The following RTL4 variants were observed in gnomAD, a reference collection of about 807,000 sequenced individuals.
RTL4 encodes retrotransposon Gag-like protein 4.
A neutral mutation model predicts 5.3 loss-of-function variants in RTL4; 4 were observed. That is an observed-to-expected ratio of 0.75 (90% CI 0.37 to 1.72). The LOEUF (loss-of-function observed/expected upper bound fraction) is 1.72, where lower values mean the gene tolerates loss of function less well. RTL4 is among the 40% of genes most tolerant of loss of function. RTL4 has a pLI of 0.04. For synonymous variants in RTL4, 98 were observed against 87.3 expected, an observed-to-expected ratio of 1.12 and a Z score of -0.68; for missense variants, 260 against 227.1, an observed-to-expected ratio of 1.14 and a Z score of -0.93.
At chrX:112,172,104 C>A in the RTL4 span, among the ~76,000 whole-genome samples, 3 of 112,263 alleles carry the variant, frequency 2.7e-5, no homozygotes, top group Non-Finnish European at 5.6e-5. Flanking sequence ...GAGGCCGAGG[C>A]AGATCACTTG....
chrX:112,198,220 C>G, the RTL4 span, among the ~76,000 whole-genome samples: 1 of 111,503 alleles, frequency 9.0e-6, no homozygotes, highest in Non-Finnish European at 1.9e-5. Flanking sequence ...ATTCTACTTT[C>G]TAACACATAT....
chrX:112,143,571 G>A, the RTL4 span, among the ~76,000 whole-genome samples: 1 of 111,787 alleles, frequency 8.9e-6, no homozygotes, highest in Non-Finnish European at 1.9e-5. Context: ...TTAAATCTAT[G>A]AGGCATCACG....
chrX:112,085,011 A>G, the RTL4 span, among the ~76,000 whole-genome samples: 229 of 112,793 alleles, frequency 2.0e-3, no homozygotes, highest in Non-Finnish European at 2.9e-3. Context: ...AATGCCAGGC[A>G]TTACTATACG....
chrX:112,453,677 A>T (rs1306178950), upstream of RTL4, among the ~76,000 whole-genome samples: 1 of 112,094 alleles, frequency 8.9e-6, no homozygotes, highest in Non-Finnish European at 1.9e-5. Flanking sequence ...TTCCAATTCA[A>T]ACTAAGTGCT....
chrX:112,141,283 CCATT>C, the RTL4 span, among the ~76,000 whole-genome samples: 1 of 111,586 alleles, frequency 9.0e-6, no homozygotes, highest in African/African-American at 3.3e-5. Flanking sequence ...CTTACTAAGC[CCATT>C]CATTCATTCT....
At chrX:112,335,155 A>T in the RTL4 span, among the ~76,000 whole-genome samples, 1 of 111,861 alleles carries the variant, frequency 8.9e-6, no homozygotes, top group Non-Finnish European at 1.9e-5. Flanking sequence ...TATTTGTCAC[A>T]TTTGCCATGT....
the RTL4 span, among the ~76,000 whole-genome samples, chrX:112,169,592 A>G: frequency 8.9e-6 from 1 of 111,895 alleles, no homozygotes; most frequent in Non-Finnish European, 1.9e-5. Context: ...TGAGGGATCA[A>G]TACGTCATCA....
At chrX:112,455,923 G>A in exon 1 of RTL4, 1 of 358,831 alleles carries the variant, frequency 2.8e-6, no homozygotes, top group African/African-American at 2.6e-5. Context: ...CCAAAAACCT[G>A]CAGGCAAAAC....
At chrX:112,226,687 C>T in the RTL4 span, among the ~76,000 whole-genome samples, 1 of 92,255 alleles carries the variant, frequency 1.1e-5, no homozygotes, top group Non-Finnish European at 2.1e-5. Flanking sequence ...TCATTAAATG[C>T]CCAATAAATG....
At chrX:112,169,092 C>CTTTCTTTCTTT in the RTL4 span, among the ~76,000 whole-genome samples, 1 of 37,986 alleles carries the variant, frequency 2.6e-5, no homozygotes, top group Non-Finnish European at 5.2e-5. Flanking sequence ...TCTTTTCTTT[C>CTTTCTTTCTTT]TTTCTTTCTT....
At chrX:112,167,797 G>A in the RTL4 span, among the ~76,000 whole-genome samples, 1 of 108,231 alleles carries the variant, frequency 9.2e-6, no homozygotes, top group African/African-American at 3.4e-5. Context: ...AATGAAAATA[G>A]CTTTGTTGAT....
chrX:112,169,464 T>A, the RTL4 span, among the ~76,000 whole-genome samples: 1 of 111,319 alleles, frequency 9.0e-6, no homozygotes. Context: ...GGGGTCTGAA[T>A]TAAGACCACT....
the RTL4 span, among the ~76,000 whole-genome samples, chrX:112,155,666 T>C: frequency 9.0e-6 from 1 of 111,671 alleles, no homozygotes; most frequent in Admixed American, 9.6e-5. Flanking sequence ...GCCACAAAAC[T>C]CACAGTTTTT....
the RTL4 span, among the ~76,000 whole-genome samples, chrX:112,351,265 C>T: frequency 1.9e-5 from 2 of 107,551 alleles, no homozygotes; most frequent in African/African-American, 3.5e-5. Flanking sequence ...TTTACATTTG[C>T]TGAGGAGAGC....
chrX:112,262,911 G>GGAAACCATCAT, the RTL4 span, among the ~76,000 whole-genome samples: 379 of 107,446 alleles, frequency 3.5e-3, no homozygotes, highest in African/African-American at 0.013. Context: ...GGATGAAGCT[G>GGAAACCATCAT]GAAACCATCA....
chrX:112,335,048 G>A, the RTL4 span, among the ~76,000 whole-genome samples: 110 of 111,743 alleles, frequency 9.8e-4, 2 homozygotes, highest in Non-Finnish European at 5.1e-4. Flanking sequence ...CTATGGCCTG[G>A]AATAATTTAC....
At chrX:112,176,041 C>T in the RTL4 span, among the ~76,000 whole-genome samples, 1 of 110,712 alleles carries the variant, frequency 9.0e-6, no homozygotes, top group East Asian at 2.8e-4. Context: ...TCTCAGGATA[C>T]AAAATCAATG....
At chrX:112,437,004 A>G in the RTL4 span, among the ~76,000 whole-genome samples, 715 of 112,004 alleles carry the variant, frequency 6.4e-3, 6 homozygotes, top group African/African-American at 0.022. Flanking sequence ...AATAGGAACA[A>G]CCAGTGTCTT....
At chrX:112,238,157 T>C in the RTL4 span, among the ~76,000 whole-genome samples, 2 of 108,625 alleles carry the variant, frequency 1.8e-5, no homozygotes, top group African/African-American at 3.6e-5. Context: ...TTTTAGACAA[T>C]ATAACATTAC....
Sources: gnomAD v4.1 joint callset for allele counts (sites outside exome capture counted in the v4.1 genomes callset) on GRCh38, gnomAD v4.1.1 for gene constraint, MANE v1.5 for transcripts, NCBI Gene and HGNC (gene_info 2026-07-23, HGNC 2026-07-21) for gene names.